Variants in KANSL1 observed in about 807,000 individuals in gnomAD.
KANSL1 encodes KAT8 regulatory NSL complex subunit 1.
A neutral mutation model predicts 103.6 loss-of-function variants in KANSL1; 22 were observed. That is an observed-to-expected ratio of 0.21 (90% CI 0.15 to 0.30). The LOEUF (loss-of-function observed/expected upper bound fraction) is 0.30, where lower values mean the gene tolerates loss of function less well. Ranked by LOEUF, KANSL1 falls within the 10% of genes least tolerant of loss-of-function variation. The pLI, the probability that KANSL1 is intolerant of heterozygous loss-of-function variation, is 1.00. For synonymous variants in KANSL1, 600 were observed against 527.6 expected (o/e 1.14, Z -1.88); for missense variants, 1,337 against 1,399.8 (o/e 0.96, Z 0.72).
At chr17:46,063,565 A>G (rs1452664987) in intron 6 of KANSL1, among the ~76,000 whole-genome samples, 2 of 152,248 alleles carry the variant, frequency 1.3e-5, no homozygotes, top group Non-Finnish European at 2.9e-5. Flanking sequence ...TATTTCCCAA[A>G]GTCAACTAAT....
chr17:46,066,268 T>G (rs1219741260), intron 6 of KANSL1, among the ~76,000 whole-genome samples: 1 of 152,234 alleles, frequency 6.6e-6, no homozygotes, highest in Non-Finnish European at 1.5e-5. Context: ...ACTTAAACTT[T>G]CAGTCTCTCC....
chr17:46,134,734 A>G (rs1043358533), intron 2 of KANSL1, among the ~76,000 whole-genome samples: 3 of 152,014 alleles, frequency 2.0e-5, no homozygotes, highest in African/African-American at 7.3e-5. Flanking sequence ...CAGCCCAGCT[A>G]CTCAGGAGGC....
chr17:46,056,066 T>G (rs1255914756), intron 6 of KANSL1, among the ~76,000 whole-genome samples: 1 of 152,190 alleles, frequency 6.6e-6, no homozygotes, highest in East Asian at 1.9e-4. Flanking sequence ...TGGTGCGATC[T>G]CGGCTCACTG....
At chr17:46,041,875 ATTT>A (rs201580877) in intron 7 of KANSL1, 1 of 105,264 alleles carries the variant, frequency 9.5e-6, no homozygotes, top group African/African-American at 4.0e-5. Flanking sequence ...TTAGAAATTT[ATTT>A]TGTGTGTGTG....
chr17:46,207,984 G>T (rs181181647), intron 1 of KANSL1, among the ~76,000 whole-genome samples: 1 of 152,054 alleles, frequency 6.6e-6, no homozygotes, highest in Non-Finnish European at 1.5e-5. Context: ...GATGGTAGGC[G>T]CCTGTAATAC....
chr17:46,131,330 G>A (rs2043852660), intron 2 of KANSL1, among the ~76,000 whole-genome samples: 2 of 152,200 alleles, frequency 1.3e-5, no homozygotes, highest in Admixed American at 6.5e-5. Flanking sequence ...TCCAGTTTCT[G>A]AAAATCTGAA....
chr17:46,065,228 C>T (rs2078334878), intron 6 of KANSL1, among the ~76,000 whole-genome samples: 1 of 152,022 alleles, frequency 6.6e-6, no homozygotes, highest in Non-Finnish European at 1.5e-5. Flanking sequence ...CTCAGCCTCC[C>T]AAAGTGCCAG....
chr17:46,192,163 A>C, intron 1 of KANSL1, among the ~76,000 whole-genome samples: 1 of 152,228 alleles, frequency 6.6e-6, no homozygotes, highest in South Asian at 2.1e-4. Flanking sequence ...ATTTTTAAGT[A>C]AGACACGGGA....
At chr17:46,206,275 A>G (rs1381862380) in intron 1 of KANSL1, among the ~76,000 whole-genome samples, 4 of 152,226 alleles carry the variant, frequency 2.6e-5, no homozygotes, top group Non-Finnish European at 5.9e-5. Context: ...ATTTGAAAAC[A>G]TAATTCAAAG....
intron 3 of KANSL1, among the ~76,000 whole-genome samples, chr17:46,083,309 G>A (rs995243366): frequency 1.3e-5 from 2 of 151,928 alleles, no homozygotes; most frequent in Non-Finnish European, 2.9e-5. Flanking sequence ...CAAAAATAAG[G>A]CTATGACACT....
At chr17:46,168,351 A>AT (rs539921890) in intron 2 of KANSL1, among the ~76,000 whole-genome samples, 4,736 of 146,268 alleles carry the variant, frequency 0.032, 222 homozygotes, top group African/African-American at 0.1. Flanking sequence ...TTTAAATACA[A>AT]TTTTTTTTTT....
Position 46,212,593 on chromosome 17 carries a change from A to G in KANSL1, c.-90+11078T>C, listed in dbSNP as rs145604059. Among the ~76,000 whole-genome samples, 247 of 152,270 alleles carry G rather than the reference A, an allele frequency of 1.6e-3. 1 individual carries two copies. The highest frequency in any genetic ancestry group is 2.5e-3 in the Non-Finnish European group (168 of 68,046). ...AATATACCATGATTTATTTTCCTAT[A>G]AATCTTGCTGCTCATTTAGGTTTAT... is the stretch of plus-strand genomic sequence containing the variant. On this transcript the variant is annotated intron_variant, in intron 1 of 14. Coordinates refer to the KANSL1 transcript ENST00000572904.
intron 1 of KANSL1, among the ~76,000 whole-genome samples, chr17:46,177,428 G>A (rs1356916467): frequency 2.0e-5 from 3 of 152,070 alleles, no homozygotes; most frequent in Admixed American, 6.5e-5. Context: ...ATTTCATGAT[G>A]TTGTTTATAA....
At chr17:46,220,130 C>A (rs1421466887) in intron 1 of KANSL1, among the ~76,000 whole-genome samples, 1 of 152,128 alleles carries the variant, frequency 6.6e-6, no homozygotes, top group Non-Finnish European at 1.5e-5. Context: ...AACAAAAAAA[C>A]TATTCTCTCA....
chr17:46,179,688 T>C (rs1160056792), intron 1 of KANSL1, among the ~76,000 whole-genome samples: 1 of 152,176 alleles, frequency 6.6e-6, no homozygotes, highest in Admixed American at 6.5e-5. Flanking sequence ...GACAAGAGAA[T>C]GGTAATGTGG....
chr17:46,143,419 G>A (rs2532309), intron 2 of KANSL1, among the ~76,000 whole-genome samples: 21,961 of 151,814 alleles, frequency 0.14, 2,144 homozygotes, highest in Middle Eastern at 0.22. Context: ...GCTTGAACCC[G>A]CGAGACAGAG....
intron 6 of KANSL1, among the ~76,000 whole-genome samples, chr17:46,055,465 C>CA (rs34767403): frequency 0.18 from 21,007 of 119,770 alleles, 2,071 homozygotes; most frequent in Non-Finnish European, 0.24. Flanking sequence ...AACTCCCTCT[C>CA]AAAAAAAAAA....
At chr17:46,119,862 T>A (rs1370001503) in intron 2 of KANSL1, 1 of 152,250 alleles carries the variant, frequency 6.6e-6, no homozygotes, top group Non-Finnish European at 1.5e-5. Context: ...CTAAAATGCC[T>A]AGTATTTCTG....
rs2046283263 is a variant in KANSL1, at chr17:46,171,432, C to G, written c.712G>C (p.Glu238Gln). 8 of 1,613,848 alleles carry G rather than the reference C, an allele frequency of 5.0e-6. No individual in the cohort carries two copies. The highest frequency in any genetic ancestry group is 5.9e-6 in the Non-Finnish European group (7 of 1,179,990). ...CTGCTTCCTTGAAGTGCCGGCTGTTCCATGGAATTGACAGAGGATTTGTTT... is the reference window on the plus strand; with the variant it reads ...CTGCTTCCTTGAAGTGCCGGCTGTTGCATGGAATTGACAGAGGATTTGTTT... The part of the protein sequence containing the change: ...TANKSSVNSM[E>Q]QPALQGSSRL... The change falls in exon 2 of 15, where the codon GAA (glutamate) becomes CAA (glutamine). Residue 238 changes from glutamate (E) to glutamine (Q), a missense_variant. By Grantham distance (29) the Glu-to-Gln change is conservative. Transcript: ENST00000432791.
Sources: allele counts gnomAD v4.1 joint callset (sites outside exome capture counted in the v4.1 genomes callset), GRCh38; gene constraint gnomAD v4.1.1; transcripts MANE v1.5; gene names NCBI Gene and HGNC (gene_info 2026-07-23, HGNC 2026-07-21).